The following HK1 variants were observed in gnomAD, a reference collection of about 807,000 sequenced individuals.
The protein encoded by HK1 is hexokinase-1.
In HK1, 28 loss-of-function variants were observed where a neutral mutation model predicts 91.6. That is an observed-to-expected ratio of 0.31 (90% CI 0.23 to 0.42). The LOEUF (loss-of-function observed/expected upper bound fraction) is 0.42, where lower values mean the gene tolerates loss of function less well. Among genes scored for constraint, HK1 ranks in the 10% least tolerant of loss-of-function variants. The probability of loss-of-function intolerance (pLI) is 1.00; values close to 1 mark genes in which losing one functional copy is unlikely to be tolerated. For synonymous variants in HK1, 430 were observed against 468.1 expected, an observed-to-expected ratio of 0.92 and a Z score of 1.05; for missense variants, 770 against 1,219.8, an observed-to-expected ratio of 0.63 and a Z score of 5.49.
chr10:69,394,121 A>G (rs1458506517), intron 15 of HK1, among the ~76,000 whole-genome samples: 1 of 152,216 alleles, frequency 6.6e-6, no homozygotes, highest in African/African-American at 2.4e-5. Flanking sequence ...TGGAGTTCCA[A>G]ATTCCAGGGG....
At chr10:69,338,362 G>A in intron 1 of HK1, 2 of 1,191,608 alleles carry the variant, frequency 1.7e-6, no homozygotes, top group Non-Finnish European at 2.1e-6. Flanking sequence ...CTGGGACTGG[G>A]CGCCTTCCCA....
intron 5 of HK1, among the ~76,000 whole-genome samples, chr10:69,310,052 T>TA (rs1216110407): frequency 0.016 from 1,418 of 88,924 alleles, 13 homozygotes; most frequent in Non-Finnish European, 0.025. Flanking sequence ...CTCCATCTCA[T>TA]AAAAAAAAAA....
chr10:69,389,399 C>A, intron 14 of HK1, 103 bp downstream of exon 14: 1 of 549,634 alleles, frequency 1.8e-6, no homozygotes, highest in Non-Finnish European at 3.3e-6. Flanking sequence ...ATGGGGTAGT[C>A]TTATCTGTCA....
intron 1 of HK1, among the ~76,000 whole-genome samples, chr10:69,330,117 A>G (rs1847628762): frequency 1.3e-5 from 2 of 152,014 alleles, no homozygotes; most frequent in Non-Finnish European, 2.9e-5. Flanking sequence ...GCAGCTGTCG[A>G]TTCCATCAAT....
chr10:69,288,673 G>T (rs149940933), exon 3 of HK1: 9 of 1,486,494 alleles, frequency 6.1e-6, no homozygotes. Context: ...TTCTCTAGGC[G>T]TTCAAGACCC....
chr10:69,305,256 T>G (rs532794336), intron 5 of HK1, among the ~76,000 whole-genome samples: 1 of 152,218 alleles, frequency 6.6e-6, no homozygotes, highest in Admixed American at 6.5e-5. Flanking sequence ...ACTGAGACAC[T>G]CTCACTTTCA....
chr10:69,298,899 T>C (rs1370290686), intron 4 of HK1, among the ~76,000 whole-genome samples: 1 of 151,818 alleles, frequency 6.6e-6, no homozygotes, highest in Non-Finnish European at 1.5e-5. Flanking sequence ...CTAATGACAC[T>C]ACTAGGCCAC....
chr10:69,400,851 C>G, intron 17 of HK1, 140 bp from the exon 18 acceptor site: 4 of 890,592 alleles, frequency 4.5e-6, no homozygotes, highest in Non-Finnish European at 7.4e-6. Flanking sequence ...TGCTTATGTC[C>G]TGATAAACCC....
chr10:69,301,194 G>A (rs112377088), intron 5 of HK1, among the ~76,000 whole-genome samples: 3,082 of 141,570 alleles, frequency 0.022, 108 homozygotes, highest in African/African-American at 0.076. Context: ...GCAGTGAGCC[G>A]AGATCACGCC....
At chr10:69,311,242 G>A (rs531105871), upstream of HK1, among the ~76,000 whole-genome samples, 1 of 152,286 alleles carries the variant, frequency 6.6e-6, no homozygotes, top group South Asian at 2.1e-4. Context: ...AGGGATGAAG[G>A]TATGATGAAG....
chr10:69,305,861 C>CA (rs1846077278), intron 5 of HK1, among the ~76,000 whole-genome samples: 1 of 103,836 alleles, frequency 9.6e-6, no homozygotes, highest in Non-Finnish European at 2.0e-5. Context: ...TCAAAAAAAA[C>CA]AAAAAACAAA....
chr10:69,361,651 G>A (rs1296793832), intron 3 of HK1, among the ~76,000 whole-genome samples: 1 of 152,068 alleles, frequency 6.6e-6, no homozygotes, highest in Non-Finnish European at 1.5e-5. Context: ...TCTTACCACT[G>A]CCCTCTTCGT....
chr10:69,378,600 T>G (rs892809192), intron 8 of HK1, among the ~76,000 whole-genome samples: 1 of 152,174 alleles, frequency 6.6e-6, no homozygotes, highest in Non-Finnish European at 1.5e-5. Flanking sequence ...GTTAAAAAGA[T>G]GTCTGGATGG....
chr10:69,344,407 A>C (rs1428219287), intron 2 of HK1, among the ~76,000 whole-genome samples: 2 of 152,030 alleles, frequency 1.3e-5, no homozygotes, highest in Non-Finnish European at 1.5e-5. Flanking sequence ...TCTCTCCATC[A>C]GGGAATCAAA....
intron 1 of HK1, among the ~76,000 whole-genome samples, chr10:69,281,113 T>C (rs1844723523): frequency 6.6e-6 from 1 of 152,130 alleles, no homozygotes; most frequent in Non-Finnish European, 1.5e-5. Context: ...TTTTAATGAG[T>C]GAATCCACAT....
intron 5 of HK1, among the ~76,000 whole-genome samples, chr10:69,368,851 G>A (rs1468809185): frequency 2.6e-5 from 4 of 152,192 alleles, no homozygotes; most frequent in Non-Finnish European, 5.9e-5. Context: ...CCTGGAGCAG[G>A]GGGTCACCTC....
chr10:69,310,208 G>A (rs1846303960), intron 5 of HK1, among the ~76,000 whole-genome samples: 2 of 151,112 alleles, frequency 1.3e-5, no homozygotes, highest in Admixed American at 6.6e-5. Context: ...ATCACTTGAG[G>A]TCAGGAGTTC....
intron 5 of HK1, among the ~76,000 whole-genome samples, chr10:69,303,024 C>T (rs538751282): frequency 9.1e-4 from 139 of 152,252 alleles, no homozygotes; most frequent in Non-Finnish European, 1.7e-3. Flanking sequence ...AGAGGTCCTT[C>T]CCTGTCCATC....
intron 12 of HK1, 72 bp downstream of exon 12, chr10:69,384,987 TG>T: frequency 6.6e-7 from 1 of 1,524,158 alleles, no homozygotes; most frequent in Non-Finnish European, 9.1e-7. Flanking sequence ...GGCTGGCCCT[TG>T]AGGCCTTCTC....
Sources: gnomAD v4.1 joint callset for allele counts (sites outside exome capture counted in the v4.1 genomes callset) on GRCh38, gnomAD v4.1.1 for gene constraint, MANE v1.5 for transcripts, NCBI Gene and HGNC (gene_info 2026-07-23, HGNC 2026-07-21) for gene names.